Variants in DPP10 observed in about 807,000 individuals in gnomAD.
DPP10 encodes inactive dipeptidyl peptidase 10.
In DPP10, 33 loss-of-function variants were observed where a neutral mutation model predicts 120.9. The ratio of observed to expected loss-of-function variants is 0.27; its 90% CI spans 0.21 to 0.37. DPP10 has a LOEUF of 0.37. Among genes scored for constraint, DPP10 ranks in the 10% least tolerant of loss-of-function variants. The pLI is 1.00. For missense variants in DPP10, 816 were observed against 942.8 expected (o/e 0.87, Z 1.76); for synonymous variants, 337 against 326.1 (o/e 1.03, Z -0.36).
intron 1 of DPP10, among the ~76,000 whole-genome samples, chr2:114,855,371 A>G (rs1360359241): frequency 1.3e-5 from 2 of 152,166 alleles, no homozygotes; most frequent in Non-Finnish European, 2.9e-5. Context: ...AATAAAGATA[A>G]CAAATACACC....
At chr2:114,540,441 C>T (rs557642375) in intron 1 of DPP10, among the ~76,000 whole-genome samples, 37 of 152,160 alleles carry the variant, frequency 2.4e-4, no homozygotes, top group South Asian at 2.1e-4. Context: ...ATAAGCTTGA[C>T]GAAGTTAGCA....
At chr2:114,609,403 G>T (rs1255445193) in intron 1 of DPP10, among the ~76,000 whole-genome samples, 1 of 152,128 alleles carries the variant, frequency 6.6e-6, no homozygotes, top group Non-Finnish European at 1.5e-5. Context: ...ATTCCCAGGA[G>T]CCACAATAGT....
intron 1 of DPP10, among the ~76,000 whole-genome samples, chr2:114,795,197 A>C (rs368135010): frequency 6.6e-6 from 1 of 152,154 alleles, no homozygotes; most frequent in Non-Finnish European, 1.5e-5. Flanking sequence ...CTGCTATGGC[A>C]TGATGAAGAC....
chr2:114,703,369 A>G (rs988830201), intron 1 of DPP10, among the ~76,000 whole-genome samples: 2 of 152,338 alleles, frequency 1.3e-5, no homozygotes, highest in Admixed American at 6.5e-5. Context: ...CTAAACACGC[A>G]TAAGATCACA....
At chr2:115,303,051 A>G (rs1446298105) in intron 1 of DPP10, among the ~76,000 whole-genome samples, 2 of 152,024 alleles carry the variant, frequency 1.3e-5, no homozygotes, top group African/African-American at 2.4e-5. Context: ...ATACTAGACA[A>G]TAGTCCATAA....
chr2:114,821,250 A>G (rs1686061969), intron 1 of DPP10, among the ~76,000 whole-genome samples: 1 of 152,182 alleles, frequency 6.6e-6, no homozygotes, highest in South Asian at 2.1e-4. Flanking sequence ...GCAGGGCACC[A>G]TGATGTTCTA....
chr2:114,713,995 GAAAAA>G (rs963743298), intron 1 of DPP10, among the ~76,000 whole-genome samples: 1 of 148,846 alleles, frequency 6.7e-6, no homozygotes, highest in African/African-American at 2.5e-5. Flanking sequence ...AAAAAAAAAA[GAAAAA>G]AATAAAATAA....
chr2:115,567,920 A>G (rs2081101360), intron 5 of DPP10, among the ~76,000 whole-genome samples: 1 of 152,218 alleles, frequency 6.6e-6, no homozygotes, highest in African/African-American at 2.4e-5. Flanking sequence ...TCACGCCTGT[A>G]ATCCCAGCAC....
intron 19 of DPP10, among the ~76,000 whole-genome samples, chr2:115,803,452 G>A (rs1343942884): frequency 2.0e-5 from 3 of 152,266 alleles, no homozygotes; most frequent in South Asian, 2.1e-4. Flanking sequence ...GTATTGTTAT[G>A]TGTGAATTTG....
At chr2:114,694,536 A>G (rs1559010902) in intron 1 of DPP10, among the ~76,000 whole-genome samples, 1 of 152,034 alleles carries the variant, frequency 6.6e-6, no homozygotes, top group Non-Finnish European at 1.5e-5. Flanking sequence ...GACAAAATTA[A>G]TATGTGTTCT....
At chr2:114,630,998 G>A (rs867384523) in intron 1 of DPP10, among the ~76,000 whole-genome samples, 11 of 152,134 alleles carry the variant, frequency 7.2e-5, no homozygotes, top group African/African-American at 1.9e-4. Context: ...CAAAAGGCTT[G>A]AGATTATGGC....
At chr2:114,816,700 A>G (rs1381994017) in intron 1 of DPP10, among the ~76,000 whole-genome samples, 1 of 152,232 alleles carries the variant, frequency 6.6e-6, no homozygotes, top group Non-Finnish European at 1.5e-5. Context: ...AAGGTCTGGA[A>G]GAAAGTAGAT....
At chr2:115,223,215 G>T (rs536929008) in intron 1 of DPP10, among the ~76,000 whole-genome samples, 19 of 152,204 alleles carry the variant, frequency 1.2e-4, no homozygotes, top group African/African-American at 4.1e-4. Flanking sequence ...TTTCCCTCAA[G>T]TAAGTTTTAA....
intron 3 of DPP10, among the ~76,000 whole-genome samples, chr2:115,379,245 A>G (rs1471282802): frequency 6.6e-6 from 1 of 152,214 alleles, no homozygotes; most frequent in Non-Finnish European, 1.5e-5. Context: ...TTATTGGTCT[A>G]TTCAGAGATT....
Position 115,088,768 on chromosome 2 carries a change from A to AAAAAAAAAAAAAAAAAAC in DPP10, c.61-220470_61-220469insAAAAAAAAAAAAAAAACA, listed in dbSNP as rs775985067. Among the ~76,000 whole-genome samples the AAAAAAAAAAAAAAAAAAC allele has an allele frequency of 3.2e-4, 43 of 134,922 alleles. 3 individuals carry two copies. Among genetic ancestry groups the AAAAAAAAAAAAAAAAAAC allele is most frequent in the Non-Finnish European group, 4.9e-4 (31 of 62,748 alleles). 88.5% of individuals were successfully genotyped at this position (134,922 alleles called of 152,430 possible). A position where few individuals can be genotyped will look rare whatever the true frequency, so the allele number is the denominator to read the frequency against. On this transcript the variant is annotated intron_variant, in intron 1 of 25. Coordinates refer to ENST00000410059, the MANE Select transcript of DPP10 (RefSeq NM_020868.6). The stretch of plus-strand genomic sequence containing the variant: ...TGCCTGACAAAAAAAAAAAAAAAAA[A>AAAAAAAAAAAAAAAAAAC]ACCAAAAAACAAAAAAAACCTTAAA...
chr2:115,289,779 G>A (rs1219254604), intron 1 of DPP10, among the ~76,000 whole-genome samples: 1 of 152,070 alleles, frequency 6.6e-6, no homozygotes. Flanking sequence ...TTGGTTCTGG[G>A]AACACTGGAT....
chr2:115,338,837 C>G (rs1230872026), intron 2 of DPP10, among the ~76,000 whole-genome samples: 1 of 152,064 alleles, frequency 6.6e-6, no homozygotes, highest in African/African-American at 2.4e-5. Context: ...TGAAATAAAA[C>G]TATAACATTT....
intron 1 of DPP10, among the ~76,000 whole-genome samples, chr2:115,242,717 G>A (rs1238920724): frequency 1.3e-5 from 2 of 151,122 alleles, no homozygotes; most frequent in East Asian, 1.9e-4. Flanking sequence ...CCAGAGTAAG[G>A]TGGTATTGCA....
chr2:115,697,704 G>A (rs1163436383), intron 7 of DPP10, among the ~76,000 whole-genome samples: 1 of 152,088 alleles, frequency 6.6e-6, no homozygotes, highest in Admixed American at 6.6e-5. Flanking sequence ...AACACAGTAA[G>A]GCCAGGTGCA....
Sources: allele counts gnomAD v4.1 joint callset (sites outside exome capture counted in the v4.1 genomes callset), GRCh38; gene constraint gnomAD v4.1.1; transcripts MANE v1.5; gene names NCBI Gene and HGNC (gene_info 2026-07-23, HGNC 2026-07-21).